Variants in RIMS1 observed in about 807,000 individuals in gnomAD.
The protein encoded by RIMS1 is regulating synaptic membrane exocytosis 1.
A neutral mutation model predicts 214.1 loss-of-function variants in RIMS1; 83 were observed. The observed-to-expected ratio is 0.39, with a 90% CI of 0.32 to 0.47. RIMS1 has a LOEUF of 0.47. RIMS1 is among the 20% of genes least tolerant of loss of function. RIMS1 has a pLI of 0.99. For missense variants in RIMS1, 2,050 were observed against 2,161.8 expected (o/e 0.95, Z 1.03); for synonymous variants, 793 against 786.8 (o/e 1.01, Z -0.13).
At position 72,152,769 on chromosome 6, in the gene RIMS1, T is replaced by C; in HGVS notation, c.472-26806T>C. Reference sequence around the variant, plus strand: ...TATATATGTATATATATGGAATATATGTATATATATGTATATATATGGAAT... The same window carrying C: ...TATATATGTATATATATGGAATATACGTATATATATGTATATATATGGAAT... On this transcript the variant is annotated intron_variant, in intron 4 of 33. Coordinates refer to ENST00000521978, the MANE Select transcript of RIMS1 (RefSeq NM_014989.7). Among the ~76,000 whole-genome samples, 2 of 125,354 alleles carry C rather than the reference T, an allele frequency of 1.6e-5. 1 individual carries two copies. Among genetic ancestry groups the C allele is most frequent in the Non-Finnish European group, 3.2e-5 (2 of 63,016 alleles). 82.2% of individuals were successfully genotyped at this position (125,354 alleles called of 152,430 possible).
chr6:72,382,711 G>A (rs896376857), intron 29 of RIMS1, among the ~76,000 whole-genome samples: 1 of 152,082 alleles, frequency 6.6e-6, no homozygotes, highest in African/African-American at 2.4e-5. Flanking sequence ...ATTAACTCTG[G>A]TGATTCAGGA....
chr6:72,333,717 A>G lies in RIMS1; in HGVS notation c.4248A>G (p.Ser1416=). Reference sequence around the variant, plus strand: ...TGGAGCATAATGACGGCAGCCAGTCAGACACAGCTGTGGGTACAGTTGGAG... The same window carrying G: ...TGGAGCATAATGACGGCAGCCAGTCGGACACAGCTGTGGGTACAGTTGGAG... ...YTLEHNDGSQ[S]DTAVGTVGAG... The change falls in exon 29 of 34, where the codon TCA becomes TCG. Residue 1416 remains serine (S), a synonymous_variant. Transcript: ENST00000521978. 1.9e-6 allele frequency: 3 copies of G among 1,597,854 alleles called. No homozygotes were observed. Among genetic ancestry groups the G allele is most frequent in the Non-Finnish European group, 2.6e-6 (3 of 1,172,092 alleles).
chr6:71,909,977 A>G (rs1776399941), intron 1 of RIMS1, among the ~76,000 whole-genome samples: 1 of 152,116 alleles, frequency 6.6e-6, no homozygotes, highest in South Asian at 2.1e-4. Flanking sequence ...AACGCTAATT[A>G]TTTGCTGTAA....
intron 1 of RIMS1, among the ~76,000 whole-genome samples, chr6:71,946,884 G>A (rs1339325819): frequency 6.6e-6 from 1 of 151,948 alleles, no homozygotes; most frequent in African/African-American, 2.4e-5. Flanking sequence ...TTTGCAAAAT[G>A]TACATCTGAT....
At chr6:72,064,953 C>T (rs973991727) in intron 2 of RIMS1, among the ~76,000 whole-genome samples, 6 of 152,078 alleles carry the variant, frequency 3.9e-5, no homozygotes, top group Non-Finnish European at 8.8e-5. Flanking sequence ...ACTACAGTCA[C>T]CTCTTTAAAA....
At chr6:72,120,840 GA>G (rs1250392641) in intron 4 of RIMS1, among the ~76,000 whole-genome samples, 1 of 151,870 alleles carries the variant, frequency 6.6e-6, no homozygotes, top group African/African-American at 2.4e-5. Flanking sequence ...AAGGTTTAAG[GA>G]AGGGATGCAG....
At chr6:72,096,826 A>G (rs1586870273) in intron 2 of RIMS1, 123 bp from the exon 3 acceptor site, 2 of 769,662 alleles carry the variant, frequency 2.6e-6, no homozygotes, top group East Asian at 2.7e-5. Flanking sequence ...ATAGTTTTGT[A>G]TGTTTTGCTT....
Position 72,333,638 on chromosome 6 carries a change from C to A in RIMS1, c.4169C>A (p.Thr1390Asn). The change falls in exon 29 of 34, where the codon ACT (threonine) becomes AAT (asparagine). Residue 1390 changes from threonine to asparagine, a missense_variant. Transcript: ENST00000521978. ...AAAATGCAAGGCAGACGGATGGGGA[C>A]TTCAGGAAGATCCATCATGAAGAGC... is the stretch of plus-strand genomic sequence containing the variant. The part of the protein sequence containing the change: ...TPKMQGRRMG[T>N]SGRSIMKSTS... The A allele has an allele frequency of 6.3e-7, 1 of 1,596,902 alleles. No individual in the cohort carries two copies.
At chr6:72,014,390 C>A (rs1811981849) in intron 2 of RIMS1, among the ~76,000 whole-genome samples, 1 of 152,218 alleles carries the variant, frequency 6.6e-6, no homozygotes, top group Non-Finnish European at 1.5e-5. Context: ...TATCATTTAG[C>A]ATAATCTTTC....
chr6:72,146,596 A>G (rs533314741), intron 4 of RIMS1, among the ~76,000 whole-genome samples: 1 of 152,362 alleles, frequency 6.6e-6, no homozygotes, highest in East Asian at 1.9e-4. Flanking sequence ...TTGAAAAACC[A>G]AATAATAACC....
At chr6:71,990,490 A>G (rs1337524015) in intron 2 of RIMS1, among the ~76,000 whole-genome samples, 1 of 152,160 alleles carries the variant, frequency 6.6e-6, no homozygotes, top group East Asian at 1.9e-4. Flanking sequence ...GTGGTCAGCT[A>G]TTATTAACAG....
At chr6:72,005,137 C>A (rs1806961995) in intron 2 of RIMS1, among the ~76,000 whole-genome samples, 1 of 152,064 alleles carries the variant, frequency 6.6e-6, no homozygotes, top group South Asian at 2.1e-4. Context: ...AATCCTTTCC[C>A]CATTGCTTGT....
At chr6:72,238,715 A>T (rs2065366349) in intron 9 of RIMS1, among the ~76,000 whole-genome samples, 1 of 152,156 alleles carries the variant, frequency 6.6e-6, no homozygotes, top group South Asian at 2.1e-4. Context: ...AGACAACTAT[A>T]AAGGAAACAG....
chr6:71,997,471 G>T (rs1201164483), intron 2 of RIMS1, among the ~76,000 whole-genome samples: 1 of 152,138 alleles, frequency 6.6e-6, no homozygotes, highest in Non-Finnish European at 1.5e-5. Flanking sequence ...GCTTTAAATT[G>T]CTGTCCCTTT....
In RIMS1 at chr6:72,182,764, G is replaced by A. The variant is rs781124494; in HGVS notation, c.1293G>A (p.Glu431=). 1.0e-5 allele frequency: 16 copies of A among 1,544,058 alleles called. No homozygotes were observed. The highest frequency in any genetic ancestry group is 2.0e-5 in the Admixed American group (1 of 51,206). ...ACTCGCCGCGGGCTTACTCGGCTGA[G>A]AGAACTGCGGAGACCAGGGCGCCGG... ...PPDSPRAYSA[E]RTAETRAPGA... is the part of the protein sequence containing the mutation. The change falls in exon 6 of 34, where the codon GAG becomes GAA. Residue 431 remains glutamate, a synonymous_variant. Coordinates refer to ENST00000521978, the MANE Select transcript of RIMS1 (RefSeq NM_014989.7).
chr6:72,273,829 A>G lies in RIMS1; in HGVS notation c.3399-520A>G, dbSNP rs549854784. ...AATTATTTCTTCATGTCACGGTTTCAACACTGAAGAACACTTTTATTTCTT... is the reference window on the plus strand; with the variant it reads ...AATTATTTCTTCATGTCACGGTTTCGACACTGAAGAACACTTTTATTTCTT... On this transcript the variant is annotated intron_variant, in intron 22 of 33. Coordinates refer to ENST00000521978, the MANE Select transcript of RIMS1 (RefSeq NM_014989.7). 2.0e-5 allele frequency among the ~76,000 whole-genome samples: 3 copies of G among 152,290 alleles called. No individual in the cohort carries two copies. The East Asian group carries it at 5.8e-4, about 29-fold the overall frequency.
chr6:72,140,529 C>T (rs1206841649), intron 4 of RIMS1, among the ~76,000 whole-genome samples: 1 of 151,980 alleles, frequency 6.6e-6, no homozygotes, highest in Non-Finnish European at 1.5e-5. Flanking sequence ...TTAAATATTT[C>T]CACTTGGCAT....
intron 2 of RIMS1, among the ~76,000 whole-genome samples, chr6:71,999,314 T>G (rs1190215990): frequency 1.3e-5 from 2 of 152,160 alleles, no homozygotes; most frequent in Non-Finnish European, 2.9e-5. Flanking sequence ...ATACTAATGA[T>G]GATGACGATG....
At chr6:72,322,899 TTGACCAG>T (rs2096247886) in intron 28 of RIMS1, among the ~76,000 whole-genome samples, 1 of 152,098 alleles carries the variant, frequency 6.6e-6, no homozygotes, top group Non-Finnish European at 1.5e-5. Flanking sequence ...CCTTCATACG[TTGACCAG>T]TGACCTGTCT....
Sources: gnomAD v4.1 joint callset for allele counts (sites outside exome capture counted in the v4.1 genomes callset) on GRCh38, gnomAD v4.1.1 for gene constraint, MANE v1.5 for transcripts, NCBI Gene and HGNC (gene_info 2026-07-23, HGNC 2026-07-21) for gene names.